The following NKAIN1 variants were observed in gnomAD, a reference collection of about 807,000 sequenced individuals.
NKAIN1 encodes sodium/potassium transporting ATPase interacting 1.
In NKAIN1, 13 loss-of-function variants were observed where a neutral mutation model predicts 31.6. The ratio of observed to expected loss-of-function variants is 0.41; its 90% CI spans 0.27 to 0.65. The LOEUF is 0.65. NKAIN1 is among the 30% of genes least tolerant of loss of function. The probability of loss-of-function intolerance (pLI) is 0.30; values close to 1 mark genes in which losing one functional copy is unlikely to be tolerated. For synonymous variants in NKAIN1, 104 were observed against 109.0 expected (o/e 0.95, Z 0.28); for missense variants, 193 against 262.2 (o/e 0.74, Z 1.82).
At chr1:31,225,120 T>C (rs1459654407) in intron 1 of NKAIN1, among the ~76,000 whole-genome samples, 3 of 149,248 alleles carry the variant, frequency 2.0e-5, no homozygotes, top group Admixed American at 6.6e-5. Context: ...CTCCACCTCT[T>C]GGGTTCAAGC....
At chr1:31,218,036 C>CTTTCTT (rs1553163615) in intron 1 of NKAIN1, among the ~76,000 whole-genome samples, 51 of 126,850 alleles carry the variant, frequency 4.0e-4, no homozygotes, top group Middle Eastern at 3.6e-3. Context: ...TTCTTTCTTT[C>CTTTCTT]TTTCTTTCTT....
At chr1:31,238,292 T>C (rs569271645) in intron 1 of NKAIN1, among the ~76,000 whole-genome samples, 24 of 152,270 alleles carry the variant, frequency 1.6e-4, no homozygotes, top group Admixed American at 3.3e-4. Context: ...TACATTATCA[T>C]TGGCTCCTGT....
At chr1:31,192,262 C>T (rs1302940752) in intron 1 of NKAIN1, among the ~76,000 whole-genome samples, 2 of 152,202 alleles carry the variant, frequency 1.3e-5, no homozygotes, top group Non-Finnish European at 2.9e-5. Flanking sequence ...CAATCATTCA[C>T]TCATTTATCT....
In NKAIN1 at chr1:31,211,870, A is replaced by G. The variant is rs560957457; in HGVS notation, c.55-23683T>C. Among the ~76,000 whole-genome samples the G allele has an allele frequency of 2.0e-5, 3 of 152,284 alleles. No individual in the cohort carries two copies. In the East Asian group the frequency reaches 5.8e-4, roughly 29 times the overall value. ...GGTAGGAGAATCGCTTGAACCCAGG[A>G]GGCGGAGGTTGCAATGAGCCAAGAT... On this transcript the variant is annotated intron_variant, in intron 1 of 6. Coordinates refer to ENST00000373736, the MANE Select transcript of NKAIN1 (RefSeq NM_024522.3).
intron 1 of NKAIN1, among the ~76,000 whole-genome samples, chr1:31,214,423 A>G (rs1259496186): frequency 1.3e-5 from 2 of 151,942 alleles, no homozygotes; most frequent in Non-Finnish European, 2.9e-5. Context: ...AAAATGGAAC[A>G]ATTTTATGGT....
intron 1 of NKAIN1, among the ~76,000 whole-genome samples, chr1:31,232,448 G>C (rs1317253815): frequency 8.7e-6 from 1 of 114,600 alleles, no homozygotes; most frequent in Non-Finnish European, 1.9e-5. Context: ...GAGAGAGAGA[G>C]AGAGAGAGAG....
chr1:31,195,281 G>C (rs1645316692), intron 1 of NKAIN1, among the ~76,000 whole-genome samples: 2 of 151,560 alleles, frequency 1.3e-5, no homozygotes, highest in Non-Finnish European at 2.9e-5. Flanking sequence ...ACCATGCCCG[G>C]CTTAATTTTT....
At chr1:31,200,724 A>G (rs1645373593) in intron 1 of NKAIN1, among the ~76,000 whole-genome samples, 1 of 152,188 alleles carries the variant, frequency 6.6e-6, no homozygotes, top group East Asian at 1.9e-4. Flanking sequence ...TGGCCTCTCA[A>G]GGTGTTGGGA....
At chr1:31,200,153 C>A (rs1645368312) in intron 1 of NKAIN1, among the ~76,000 whole-genome samples, 1 of 152,248 alleles carries the variant, frequency 6.6e-6, no homozygotes, top group East Asian at 1.9e-4. Flanking sequence ...CTTTTGCAGC[C>A]TTGCTGCCTC....
rs530766313 is a variant in NKAIN1 at position 31,211,200 on chromosome 1, AAAG to A, written c.55-23016_55-23014del. The stretch of plus-strand genomic sequence containing the variant: ...AGAAATCAAAGGCATCCACACTGGA[AAAG>A]AAGAAGTAAAACTATTTGCTAATTG... On this transcript the variant is annotated intron_variant, in intron 1 of 6. Coordinates refer to ENST00000373736, the MANE Select transcript of NKAIN1 (RefSeq NM_024522.3). Among the ~76,000 whole-genome samples the A allele has an allele frequency of 2.6e-4, 39 of 152,378 alleles. 1 individual carries two copies. In the South Asian group the frequency reaches 2.7e-3, roughly 11 times the overall value.
chr1:31,217,215 A>G lies in NKAIN1; in HGVS notation c.54+22279T>C, dbSNP rs116870364. 6.6e-3 allele frequency among the ~76,000 whole-genome samples: 999 copies of G among 152,132 alleles called. 62 individuals carry two copies. The East Asian group carries it at 0.13, about 20-fold the overall frequency. On this transcript the variant is annotated intron_variant, in intron 1 of 6. Coordinates refer to ENST00000373736, the MANE Select transcript of NKAIN1 (RefSeq NM_024522.3). Reference sequence around the variant, plus strand: ...GGTCTTAGTCTGTTGCCCAGGTTGGAGTGTGGCAGCACAGTCATAGCTTAC... The same window carrying G: ...GGTCTTAGTCTGTTGCCCAGGTTGGGGTGTGGCAGCACAGTCATAGCTTAC...
intron 1 of NKAIN1, among the ~76,000 whole-genome samples, chr1:31,216,537 C>T (rs1645513905): frequency 6.6e-6 from 1 of 152,108 alleles, no homozygotes; most frequent in African/African-American, 2.4e-5. Flanking sequence ...GGTCATATGG[C>T]AGATTAAGAT....
chr1:31,218,543 C>T (rs1645535720), intron 1 of NKAIN1, among the ~76,000 whole-genome samples: 1 of 152,140 alleles, frequency 6.6e-6, no homozygotes, highest in Admixed American at 6.5e-5. Context: ...TCTGTTCACA[C>T]TTTTAGGAAG....
At chr1:31,205,902 C>T (rs1645420121) in intron 1 of NKAIN1, among the ~76,000 whole-genome samples, 2 of 151,132 alleles carry the variant, frequency 1.3e-5, no homozygotes, top group Admixed American at 1.3e-4. Flanking sequence ...GGATTAAAAG[C>T]ATGAGCCACC....
At chr1:31,183,637 G>A (rs1233890374) in intron 4 of NKAIN1, among the ~76,000 whole-genome samples, 180 bp downstream of exon 4, 6 of 151,760 alleles carry the variant, frequency 4.0e-5, no homozygotes, top group Admixed American at 1.3e-4. Context: ...TAGTAGAGAC[G>A]GGGTTTCTCC....
At chr1:31,199,988 C>T (rs965202365) in intron 1 of NKAIN1, among the ~76,000 whole-genome samples, 1 of 149,872 alleles carries the variant, frequency 6.7e-6, no homozygotes, top group South Asian at 2.1e-4. Context: ...CCCTGGTCCC[C>T]GAACACACAC....
chr1:31,214,539 G>A (rs973027887), intron 1 of NKAIN1, among the ~76,000 whole-genome samples: 8 of 152,090 alleles, frequency 5.3e-5, no homozygotes, highest in African/African-American at 1.4e-4. Context: ...ACATGTGTAT[G>A]TGTGCATGCA....
intron 1 of NKAIN1, among the ~76,000 whole-genome samples, chr1:31,229,307 G>A (rs1645629512): frequency 6.6e-6 from 1 of 152,176 alleles, no homozygotes; most frequent in South Asian, 2.1e-4. Flanking sequence ...GGAGGTGAGT[G>A]ATGGGCCACA....
chr1:31,231,168 G>A (rs1192649619), intron 1 of NKAIN1, among the ~76,000 whole-genome samples: 2 of 150,702 alleles, frequency 1.3e-5, no homozygotes, highest in South Asian at 2.1e-4. Context: ...ACAGGTGTAA[G>A]CCACTGCACC....
Sources: gnomAD v4.1 joint callset for allele counts (sites outside exome capture counted in the v4.1 genomes callset) on GRCh38, gnomAD v4.1.1 for gene constraint, MANE v1.5 for transcripts, NCBI Gene and HGNC (gene_info 2026-07-23, HGNC 2026-07-21) for gene names.